STYX: variants seen among roughly 807,000 people sequenced by gnomAD.
The protein encoded by STYX is serine/threonine/tyrosine-interacting protein.
Under a neutral mutation model 42.7 loss-of-function variants are expected in STYX, and 20 were observed. That is an observed-to-expected ratio of 0.47 (90% CI 0.33 to 0.68). The LOEUF is 0.68. Among genes scored for constraint, STYX ranks in the 30% least tolerant of loss-of-function variants. The pLI is 0.02. For missense variants in STYX, 226 were observed against 268.5 expected (o/e 0.84, Z 1.11); for synonymous variants, 78 against 81.9 (o/e 0.95, Z 0.26).
chr14:52,757,245 C>T (rs1881908702), intron 5 of STYX, 74 bp from the exon 6 acceptor site: 3 of 1,193,294 alleles, frequency 2.5e-6, no homozygotes, highest in East Asian at 2.5e-5. Flanking sequence ...AAATTGTTTT[C>T]AATAGGTTTC....
At chr14:52,755,492 T>C (rs1254149597) in intron 4 of STYX, among the ~76,000 whole-genome samples, 2 of 152,150 alleles carry the variant, frequency 1.3e-5, no homozygotes, top group African/African-American at 4.8e-5. Flanking sequence ...TGAAAAACTG[T>C]ATTTTTTAGT....
chr14:52,772,432 T>G lies in STYX; in HGVS notation c.*1326T>G, dbSNP rs1212525406. The G allele has an allele frequency of 6.6e-6, 1 of 152,636 alleles. No individual in the cohort carries two copies. The highest frequency in any genetic ancestry group is 2.4e-5 in the African/African-American group (1 of 41,456). 9.5% of individuals were successfully genotyped at this position (152,636 alleles called of 1,614,324 possible). On this transcript the variant is annotated 3_prime_UTR_variant, in exon 11 of 11. Transcript: ENST00000354586. ...ATGGATTTTTGGCTATGTTTTAGTT[T>G]GTGTGTATAAAAGTTCTAAGAAAAC... is the stretch of plus-strand genomic sequence containing the variant.
At chr14:52,732,477 G>A (rs11846623) in intron 1 of STYX, among the ~76,000 whole-genome samples, 74,876 of 151,262 alleles carry the variant, frequency 0.5, 18,601 homozygotes, top group Middle Eastern at 0.57. Flanking sequence ...GTTTCACCAT[G>A]TTGGCCAGGA....
intron 1 of STYX, among the ~76,000 whole-genome samples, 168 bp from the exon 2 acceptor site, chr14:52,744,684 A>T (rs1271001334): frequency 6.6e-6 from 1 of 152,190 alleles, no homozygotes; most frequent in Non-Finnish European, 1.5e-5. Context: ...GTTTCTTGTC[A>T]CTTCAATTTT....
intron 1 of STYX, 125 bp downstream of exon 1, chr14:52,730,656 G>C: frequency 9.4e-7 from 1 of 1,068,826 alleles, no homozygotes; most frequent in Non-Finnish European, 1.3e-6. Flanking sequence ...GGGCGTCCCG[G>C]GACCTCTGAA....
chr14:52,759,654 C>T (rs1882015589), intron 8 of STYX, 28 bp from the exon 9 acceptor site: 2 of 1,429,476 alleles, frequency 1.4e-6, no homozygotes, highest in Non-Finnish European at 2.0e-6. Context: ...ATAATGCTAT[C>T]ACATTAACAC....
In STYX at chr14:52,761,687, G is replaced by A. The variant is rs1286574608; in HGVS notation, c.504+1933G>A. Among the ~76,000 whole-genome samples, 5 of 147,484 alleles carry A rather than the reference G, an allele frequency of 3.4e-5. No homozygotes were observed. The East Asian group carries it at 8.9e-4, about 26-fold the overall frequency. On this transcript the variant is annotated intron_variant, in intron 9 of 10. Transcript: ENST00000354586. ...AGGTTCAAACAATTCTCCTGCCTCA[G>A]CCTCCCAAGTAGCTGGGATTACAGG... is the stretch of plus-strand genomic sequence containing the variant.
At chr14:52,742,940 C>A (rs1881251607) in intron 1 of STYX, among the ~76,000 whole-genome samples, 1 of 151,604 alleles carries the variant, frequency 6.6e-6, no homozygotes, top group Non-Finnish European at 1.5e-5. Flanking sequence ...GGATTACAGG[C>A]TCCCGCCACC....
At chr14:52,735,849 C>A (rs527789860) in intron 1 of STYX, among the ~76,000 whole-genome samples, 2 of 152,282 alleles carry the variant, frequency 1.3e-5, no homozygotes, top group South Asian at 4.1e-4. Context: ...TATTGGTATT[C>A]TTTGTATAGG....
intron 10 of STYX, among the ~76,000 whole-genome samples, 176 bp from the exon 11 acceptor site, chr14:52,770,857 A>C (rs1426575340): frequency 6.6e-6 from 1 of 152,124 alleles, no homozygotes; most frequent in Non-Finnish European, 1.5e-5. Context: ...CATGAAGATT[A>C]AAAAGTTATA....
chr14:52,755,801 A>G (rs1881841789), intron 4 of STYX, among the ~76,000 whole-genome samples: 1 of 150,390 alleles, frequency 6.6e-6, no homozygotes, highest in South Asian at 2.1e-4. Context: ...TAGACTTTGG[A>G]CTTCCTCTGA....
At chr14:52,731,420 C>A (rs1880694855) in intron 1 of STYX, among the ~76,000 whole-genome samples, 1 of 144,072 alleles carries the variant, frequency 6.9e-6, no homozygotes, top group Non-Finnish European at 1.5e-5. Context: ...TGAATATCTT[C>A]ATTGGAGGTT....
intron 9 of STYX, among the ~76,000 whole-genome samples, chr14:52,765,056 TCATGGAAACTATATTCC>T (rs1458871405): frequency 2.6e-5 from 4 of 152,232 alleles, no homozygotes; most frequent in African/African-American, 9.6e-5. Context: ...TAAGAATAGT[TCATGGAAACTATATTCC>T]CATGGAAACT....
intron 9 of STYX, among the ~76,000 whole-genome samples, chr14:52,766,382 TG>T (rs1882302324): frequency 6.6e-6 from 1 of 152,150 alleles, no homozygotes; most frequent in Admixed American, 6.5e-5. Context: ...TAAGCCAGGC[TG>T]GTCTGGAACT....
chr14:52,753,892 ATTTTTT>A lies in STYX; in HGVS notation c.243-2637_243-2632del, dbSNP rs56734068. ...TAAAAAGGAATATCCCAAAACACTG[ATTTTTT>A]TTTTTTTTTTTTTTTTTTTTTGAGA... On this transcript the variant is annotated intron_variant, in intron 4 of 10. Transcript: ENST00000354586. Among the ~76,000 whole-genome samples, 350 of 77,222 alleles carry A rather than the reference ATTTTTT, an allele frequency of 4.5e-3. 2 individuals are homozygous for A. Among genetic ancestry groups the A allele is most frequent in the South Asian group, 0.016 (32 of 2,054 alleles). 50.7% of individuals were successfully genotyped at this position (77,222 alleles called of 152,430 possible).
At chr14:52,741,502 A>C (rs1182743057) in intron 1 of STYX, among the ~76,000 whole-genome samples, 1 of 152,028 alleles carries the variant, frequency 6.6e-6, no homozygotes, top group African/African-American at 2.4e-5. Context: ...CAGTGGTGCA[A>C]TCTCGGCTCA....
At chr14:52,760,857 C>T (rs922881953) in intron 9 of STYX, among the ~76,000 whole-genome samples, 3 of 151,146 alleles carry the variant, frequency 2.0e-5, no homozygotes, top group Non-Finnish European at 2.9e-5. Context: ...TTAGGTATTT[C>T]GATACAGGCA....
At chr14:52,744,749 T>G in intron 1 of STYX, 103 bp from the exon 2 acceptor site, 2 of 1,068,880 alleles carry the variant, frequency 1.9e-6, no homozygotes, top group Non-Finnish European at 2.8e-6. Flanking sequence ...TAAAGTATAA[T>G]GTAACTTTAA....
At chr14:52,759,593 C>T in intron 8 of STYX, 89 bp from the exon 9 acceptor site, 6 of 862,074 alleles carry the variant, frequency 7.0e-6, no homozygotes, top group Non-Finnish European at 1.1e-5. Flanking sequence ...TCCATTACAA[C>T]TCATTACCCC....
Sources: allele counts gnomAD v4.1 joint callset (sites outside exome capture counted in the v4.1 genomes callset), GRCh38; gene constraint gnomAD v4.1.1; transcripts MANE v1.5; gene names NCBI Gene and HGNC (gene_info 2026-07-23, HGNC 2026-07-21).